The following PLXDC2 variants were observed in gnomAD, a reference collection of about 807,000 sequenced individuals.
PLXDC2 encodes plexin domain containing 2.
In PLXDC2, 40 loss-of-function variants were observed where a neutral mutation model predicts 68.9. The ratio of observed to expected loss-of-function variants is 0.58; its 90% confidence interval spans 0.45 to 0.76. PLXDC2 has a LOEUF of 0.76. Ranked by LOEUF, PLXDC2 falls within the 30% of genes least tolerant of loss-of-function variation. The pLI, the probability that PLXDC2 is intolerant of heterozygous loss-of-function variation, is 0.00. For synonymous variants in PLXDC2, 243 were observed against 234.2 expected (o/e 1.04, Z -0.34); for missense variants, 644 against 661.9 (o/e 0.97, Z 0.30).
At chr10:20,157,933 G>C (rs1010998301) in intron 6 of PLXDC2, among the ~76,000 whole-genome samples, 1 of 152,136 alleles carries the variant, frequency 6.6e-6, no homozygotes, top group Non-Finnish European at 1.5e-5. Flanking sequence ...TGGAGAGAAT[G>C]TAATTGTAAA....
At chr10:19,873,178 C>T (rs764692268) in intron 1 of PLXDC2, among the ~76,000 whole-genome samples, 14 of 151,990 alleles carry the variant, frequency 9.2e-5, no homozygotes, top group East Asian at 1.9e-4. Flanking sequence ...GCAGAGATTT[C>T]GGGTGGAGGG....
intron 13 of PLXDC2, among the ~76,000 whole-genome samples, chr10:20,271,282 A>C (rs1282538072): frequency 3.9e-5 from 6 of 152,174 alleles, no homozygotes; most frequent in Non-Finnish European, 8.8e-5. Context: ...GAAGATGTTG[A>C]CAGCTAAGTC....
At chr10:20,022,315 G>A (rs757681541) in intron 2 of PLXDC2, among the ~76,000 whole-genome samples, 28 of 152,054 alleles carry the variant, frequency 1.8e-4, no homozygotes, top group Non-Finnish European at 3.4e-4. Flanking sequence ...CAGTCTAGTC[G>A]GGTTAGATAG....
chr10:19,828,943 G>A (rs1836627970), intron 1 of PLXDC2, among the ~76,000 whole-genome samples: 1 of 152,022 alleles, frequency 6.6e-6, no homozygotes, highest in Non-Finnish European at 1.5e-5. Context: ...CAGCCAGAAA[G>A]ATCTTTCTAA....
intron 1 of PLXDC2, among the ~76,000 whole-genome samples, chr10:19,908,181 A>G (rs1833201774): frequency 6.6e-6 from 1 of 152,136 alleles, no homozygotes; most frequent in Non-Finnish European, 1.5e-5. Context: ...TTATACCACA[A>G]AATTTCTGTC....
At chr10:19,914,731 T>G (rs965234975) in intron 1 of PLXDC2, among the ~76,000 whole-genome samples, 4 of 152,206 alleles carry the variant, frequency 2.6e-5, no homozygotes, top group African/African-American at 9.6e-5. Flanking sequence ...AGAGAAACTT[T>G]TAGAAAACTG....
At chr10:19,818,226 T>TGG (rs2131990892) in intron 1 of PLXDC2, among the ~76,000 whole-genome samples, 2 of 125,840 alleles carry the variant, frequency 1.6e-5, no homozygotes, top group African/African-American at 6.4e-5. Flanking sequence ...TGTTCTTTTC[T>TGG]GGTGTGTGTG....
intron 3 of PLXDC2, among the ~76,000 whole-genome samples, chr10:20,066,013 T>C (rs1836203840): frequency 6.6e-6 from 1 of 152,206 alleles, no homozygotes. Context: ...GCAATGATAG[T>C]GACCGATGTT....
chr10:20,115,644 A>G (rs1469047834), intron 4 of PLXDC2, among the ~76,000 whole-genome samples: 1 of 152,216 alleles, frequency 6.6e-6, no homozygotes. Context: ...TGAAGATTAG[A>G]CAATGAACTC....
intron 1 of PLXDC2, among the ~76,000 whole-genome samples, chr10:19,850,389 T>C (rs1837092528): frequency 6.6e-6 from 1 of 152,116 alleles, no homozygotes; most frequent in African/African-American, 2.4e-5. Context: ...TTAGTAAAAG[T>C]CTCCGTACTT....
intron 12 of PLXDC2, among the ~76,000 whole-genome samples, chr10:20,224,709 A>G (rs548179516): frequency 6.6e-6 from 1 of 152,330 alleles, no homozygotes; most frequent in South Asian, 2.1e-4. Flanking sequence ...CAAGCTCTGA[A>G]ATTCTGATTT....
intron 7 of PLXDC2, among the ~76,000 whole-genome samples, chr10:20,169,414 T>G (rs1206957456): frequency 6.6e-6 from 1 of 152,218 alleles, no homozygotes; most frequent in Non-Finnish European, 1.5e-5. Context: ...TATATTCATG[T>G]GTTGTTTGTA....
In PLXDC2 at chr10:20,001,762, C is replaced by G. The variant is rs750794790; in HGVS notation, c.113-13C>G. On this transcript the variant is annotated splice_polypyrimidine_tract_variant and intron_variant, in intron 1 of 13. Coordinates refer to ENST00000377252, the MANE Select transcript of PLXDC2 (RefSeq NM_032812.9). ...TAATGAGTGGTAACCCATTTTCTTT[C>G]TTTTTCAAACAGATTGGCAGTATGG... 2 of 1,612,976 alleles carry G rather than the reference C, an allele frequency of 1.2e-6. No homozygotes were observed. Among genetic ancestry groups the G allele is most frequent in the East Asian group, 4.5e-5 (2 of 44,858 alleles).
intron 6 of PLXDC2, among the ~76,000 whole-genome samples, chr10:20,156,763 T>A (rs908751473): frequency 1.3e-5 from 2 of 152,164 alleles, no homozygotes; most frequent in Non-Finnish European, 2.9e-5. Context: ...AGATGAGAGT[T>A]CAGGAGCTGT....
chr10:20,016,244 G>T (rs925542018), intron 2 of PLXDC2, among the ~76,000 whole-genome samples: 2 of 152,190 alleles, frequency 1.3e-5, no homozygotes, highest in Admixed American at 1.3e-4. Context: ...TTGTATGGAT[G>T]TAGGGAAAGT....
At chr10:19,971,566 T>G (rs11592433) in intron 1 of PLXDC2, among the ~76,000 whole-genome samples, 7,929 of 152,158 alleles carry the variant, frequency 0.052, 266 homozygotes, top group Middle Eastern at 0.092. Context: ...AAGGTTGGGG[T>G]TTGAAATTCT....
intron 1 of PLXDC2, among the ~76,000 whole-genome samples, chr10:19,936,782 G>A (rs1833732543): frequency 6.6e-6 from 1 of 152,098 alleles, no homozygotes; most frequent in African/African-American, 2.4e-5. Flanking sequence ...AATGTGACAG[G>A]GTTGGATCTC....
Position 20,174,631 on chromosome 10 carries a change from TG to T in PLXDC2, c.884-2364del, listed in dbSNP as rs529826199. Among the ~76,000 whole-genome samples, 160 of 151,876 alleles carry T rather than the reference TG, an allele frequency of 1.1e-3. 1 individual carries two copies. Among genetic ancestry groups the T allele is most frequent in the Non-Finnish European group, 1.5e-3 (99 of 67,940 alleles). ...ACACAGGAAGGGGAACATCACACAA[TG>T]GGGCCTGTTGTGGGGTGGGGGAAGC... On this transcript the variant is annotated intron_variant, in intron 7 of 13. Transcript: ENST00000377252.
chr10:20,100,191 A>G (rs1833404165), intron 4 of PLXDC2, among the ~76,000 whole-genome samples: 1 of 152,186 alleles, frequency 6.6e-6, no homozygotes, highest in Non-Finnish European at 1.5e-5. Context: ...ATCATGGAAA[A>G]CAGTATGTTG....
Sources: allele counts gnomAD v4.1 joint callset (sites outside exome capture counted in the v4.1 genomes callset), GRCh38; gene constraint gnomAD v4.1.1; transcripts MANE v1.5; gene names NCBI Gene and HGNC (gene_info 2026-07-23, HGNC 2026-07-21).